The following ADD2 variants were observed in gnomAD, a reference collection of about 807,000 sequenced individuals.
ADD2 encodes adducin 2.
Under a neutral mutation model 83.0 loss-of-function variants are expected in ADD2, and 23 were observed. That is an observed-to-expected ratio of 0.28 (90% CI 0.20 to 0.39). The LOEUF is 0.39. Among genes scored for constraint, ADD2 ranks in the 10% least tolerant of loss-of-function variants. The pLI is 1.00. For synonymous variants in ADD2, 375 were observed against 375.4 expected, an observed-to-expected ratio of 1.00 and a Z score of 0.01; for missense variants, 758 against 944.9, an observed-to-expected ratio of 0.80 and a Z score of 2.59.
chr2:70,659,447 A>G lies in ADD2; in HGVS notation c.*3978T>C, dbSNP rs1675467734. ...CAAGTGACGGTATCATCCACAGGGA[A>G]TGGGATTCAAATTCAGTCTACATGG... On this transcript the variant is annotated 3_prime_UTR_variant, in exon 16 of 16. Coordinates refer to ENST00000264436, the MANE Select transcript of ADD2 (RefSeq NM_001617.4). 1 of 152,210 alleles carries G rather than the reference A, an allele frequency of 6.6e-6. No individual in the cohort carries two copies. Among genetic ancestry groups the G allele is most frequent in the Non-Finnish European group, 1.5e-5 (1 of 68,024 alleles). 9.4% of individuals were successfully genotyped at this position (152,210 alleles called of 1,614,324 possible).
At chr2:70,744,276 C>CA (rs1479689344) in intron 1 of ADD2, among the ~76,000 whole-genome samples, 24 of 152,220 alleles carry the variant, frequency 1.6e-4, no homozygotes, top group African/African-American at 5.3e-4. Flanking sequence ...TTACAATTAC[C>CA]AAAAATTGTA....
At position 70,676,361 on chromosome 2, in the gene ADD2, G is replaced by C. The variant is rs1309312685; in HGVS notation, c.1593+435C>G. 9.2e-7 allele frequency: 1 copy of C among 1,081,940 alleles called. No homozygotes were observed. The highest frequency in any genetic ancestry group is 1.1e-6 in the Non-Finnish European group (1 of 891,302). 67.0% of individuals were successfully genotyped at this position (1,081,940 alleles called of 1,614,324 possible). A position where few individuals can be genotyped will look rare whatever the true frequency, so the allele number is the denominator to read the frequency against. ...ATATACCCCTTCTCTATGGGTACAT[G>C]ATCATCTTTCCAGAGCTCTGGTTGG... On this transcript the variant is annotated intron_variant, in intron 13 of 15. Coordinates refer to ENST00000264436, the MANE Select transcript of ADD2 (RefSeq NM_001617.4). The surrounding 1 kb of genome is among the most constrained non-coding windows in gnomAD (Gnocchi z 4.8).
intron 2 of ADD2, among the ~76,000 whole-genome samples, chr2:70,711,831 C>A (rs2104406143): frequency 6.6e-6 from 1 of 152,218 alleles, no homozygotes; most frequent in Non-Finnish European, 1.5e-5. Context: ...AATTATTGAA[C>A]CTGAAGAGGG....
At chr2:70,709,078 C>G (rs560972371) in intron 2 of ADD2, among the ~76,000 whole-genome samples, 1 of 152,286 alleles carries the variant, frequency 6.6e-6, no homozygotes, top group Admixed American at 6.5e-5. Context: ...TTTAATTCAT[C>G]TAAAATTTTT....
Position 70,767,959 on chromosome 2 carries a change from T to TG in ADD2, c.-228dup. 1 of 1,535,220 alleles carries TG rather than the reference T, an allele frequency of 6.5e-7. No homozygotes were observed. Among genetic ancestry groups the TG allele is most frequent in the Non-Finnish European group, 8.7e-7 (1 of 1,146,542 alleles). On this transcript the variant is annotated 5_prime_UTR_variant, in exon 1 of 16. Coordinates refer to ENST00000264436, the MANE Select transcript of ADD2 (RefSeq NM_001617.4). ...TTTGTTATTTTATGGGTTTGGGGGG[T>TG]GGGGTGCGCTTAAAAAATCCACCCA...
chr2:70,667,178 C>A (rs781900103), intron 15 of ADD2, among the ~76,000 whole-genome samples: 36 of 151,722 alleles, frequency 2.4e-4, no homozygotes, highest in Non-Finnish European at 4.4e-4. Context: ...ATGGTGGGAA[C>A]CTGGAGCTCT....
intron 6 of ADD2, among the ~76,000 whole-genome samples, chr2:70,693,038 C>A (rs1272279887): frequency 6.6e-6 from 1 of 152,080 alleles, no homozygotes; most frequent in African/African-American, 2.4e-5. Context: ...CTACACTGAG[C>A]CCTTTCTCAA....
chr2:70,713,384 G>C (rs138833000), intron 1 of ADD2, among the ~76,000 whole-genome samples, 200 bp from the exon 2 acceptor site: 57 of 152,056 alleles, frequency 3.7e-4, no homozygotes, highest in Non-Finnish European at 6.0e-4. Context: ...AGGCCAAGGT[G>C]GGGGGATCAC....
At chr2:70,707,140 C>T (rs116046913) in intron 2 of ADD2, among the ~76,000 whole-genome samples, 20 of 152,348 alleles carry the variant, frequency 1.3e-4, no homozygotes, top group Admixed American at 2.6e-4. Context: ...ACTTAAACTT[C>T]GCTCTGGCCC....
chr2:70,701,875 A>C (rs1196509826), intron 4 of ADD2, among the ~76,000 whole-genome samples: 2 of 152,170 alleles, frequency 1.3e-5, no homozygotes, highest in Non-Finnish European at 2.9e-5. Context: ...ATGGATATGA[A>C]AGAAGACTTA....
At chr2:70,762,841 G>C (rs1354563437) in intron 1 of ADD2, among the ~76,000 whole-genome samples, 3 of 151,372 alleles carry the variant, frequency 2.0e-5, no homozygotes, top group African/African-American at 7.3e-5. Context: ...GAATAGCTGG[G>C]ATTAGAGGCG....
chr2:70,749,518 C>T (rs1290511133), intron 1 of ADD2, among the ~76,000 whole-genome samples: 2 of 152,076 alleles, frequency 1.3e-5, no homozygotes, highest in African/African-American at 4.8e-5. Context: ...TCCCCTTCTT[C>T]CTCCCTATCA....
intron 1 of ADD2, among the ~76,000 whole-genome samples, chr2:70,731,671 C>G (rs550584283): frequency 7.9e-5 from 12 of 152,160 alleles, no homozygotes; most frequent in Non-Finnish European, 1.3e-4. Context: ...TCCTCAAGGC[C>G]CAATGATCAT....
At chr2:70,718,565 G>A (rs113438991) in intron 1 of ADD2, among the ~76,000 whole-genome samples, 1 of 152,352 alleles carries the variant, frequency 6.6e-6, no homozygotes, top group African/African-American at 2.4e-5. Flanking sequence ...AACCTTGGGT[G>A]CACATAATGA....
At chr2:70,696,129 A>C (rs782654662) in intron 5 of ADD2, 116 bp downstream of exon 5, 9 of 1,393,278 alleles carry the variant, frequency 6.5e-6, no homozygotes, top group Non-Finnish European at 8.8e-6. Context: ...GGTTCAGTGC[A>C]TTTTAGCCAA....
rs140849288 is a variant in ADD2 at position 70,694,363 on chromosome 2, G to A, written c.555+1358C>T. On this transcript the variant is annotated intron_variant, in intron 6 of 15. Transcript: ENST00000264436. ...GGTTGGCCTCTACACAGCTTTCAGA[G>A]TGATCTTTCTACAACAGAAATCTGC... Among the ~76,000 whole-genome samples, 814 of 152,260 alleles carry A rather than the reference G, an allele frequency of 5.3e-3. 5 individuals are homozygous for A. The highest frequency in any genetic ancestry group is 8.9e-3 in the Non-Finnish European group (607 of 68,014).
chr2:70,672,774 G>GA (rs1669954991), intron 15 of ADD2, 104 bp downstream of exon 15: 2 of 1,337,422 alleles, frequency 1.5e-6, no homozygotes, highest in African/African-American at 2.9e-5. Context: ...TAGCAGAGGG[G>GA]AAAGATTTTC....
At chr2:70,673,971 T>G (rs192340096) in intron 14 of ADD2, among the ~76,000 whole-genome samples, 1 of 152,176 alleles carries the variant, frequency 6.6e-6, no homozygotes, top group Non-Finnish European at 1.5e-5. Flanking sequence ...AAGAAGACCC[T>G]GCCTTGAGGG....
At position 70,678,787 on chromosome 2, in the gene ADD2, G is replaced by T. The variant is rs1201750363; in HGVS notation, c.1300C>A (p.Leu434Ile). ...QKQQKEKTRWLNTPNTYLRVN... is the reference protein window; with the variant it reads ...QKQQKEKTRWINTPNTYLRVN... ...CGCAGGTAGGTGTTGGGCGTATTGA[G>T]CCAGCGGGTCTTCTCCTTCTGCTGC... Residue 434 changes from leucine (L) to isoleucine (I), a missense_variant, in exon 11 of 16, where the codon CTC becomes ATC. By Grantham distance (5) the Leu-to-Ile change is conservative. Transcript: ENST00000264436. 3 of 1,613,790 alleles carry T rather than the reference G, an allele frequency of 1.9e-6. No homozygotes were observed. The highest frequency in any genetic ancestry group is 2.5e-6 in the Non-Finnish European group (3 of 1,179,924).
Sources: gnomAD v4.1 joint callset for allele counts (sites outside exome capture counted in the v4.1 genomes callset) on GRCh38, gnomAD v4.1.1 for gene constraint, Gnocchi (gnomAD v3.1) non-coding constraint, MANE v1.5 for transcripts, NCBI Gene and HGNC (gene_info 2026-07-23, HGNC 2026-07-21) for gene names.